FGF14: variants seen among roughly 807,000 people sequenced by gnomAD.
The protein encoded by FGF14 is fibroblast growth factor homologous factor 4.
A neutral mutation model predicts 25.5 loss-of-function variants in FGF14; 5 were observed. The observed-to-expected ratio is 0.20, with a 90% CI of 0.10 to 0.41. The LOEUF (loss-of-function observed/expected upper bound fraction) is 0.41. FGF14 is among the 10% of genes least tolerant of loss of function. FGF14 has a pLI of 1.00. For synonymous variants in FGF14, 138 were observed against 118.3 expected, an observed-to-expected ratio of 1.17 and a Z score of -1.08; for missense variants, 222 against 320.1, an observed-to-expected ratio of 0.69 and a Z score of 2.34.
At chr13:102,199,759 T>C (rs2049529387) in intron 1 of FGF14, among the ~76,000 whole-genome samples, 1 of 152,054 alleles carries the variant, frequency 6.6e-6, no homozygotes, top group African/African-American at 2.4e-5. Context: ...TTCAGAAAAA[T>C]CCAAACTCAC....
At chr13:102,086,478 C>T (rs976146166) in intron 1 of FGF14, among the ~76,000 whole-genome samples, 1 of 151,836 alleles carries the variant, frequency 6.6e-6, no homozygotes, top group Non-Finnish European at 1.5e-5. Context: ...TGCAGTGAGC[C>T]GAGATCGAGC....
At chr13:102,300,711 C>T (rs1448518565) in intron 1 of FGF14, among the ~76,000 whole-genome samples, 1 of 152,040 alleles carries the variant, frequency 6.6e-6, no homozygotes, top group African/African-American at 2.4e-5. Context: ...CCATATCTGG[C>T]ACAAGAAGAT....
upstream of FGF14, among the ~76,000 whole-genome samples, chr13:101,919,620 C>A (rs1248561477): frequency 6.6e-6 from 1 of 151,902 alleles, no homozygotes; most frequent in Admixed American, 6.6e-5. Context: ...GCCTGACATT[C>A]AGCACCGCGG....
At chr13:102,183,637 C>T (rs1485487090) in intron 1 of FGF14, among the ~76,000 whole-genome samples, 1 of 152,134 alleles carries the variant, frequency 6.6e-6, no homozygotes, top group Non-Finnish European at 1.5e-5. Flanking sequence ...TGCACTTAAC[C>T]TTTGCTCCCA....
intron 1 of FGF14, among the ~76,000 whole-genome samples, chr13:102,137,346 ACT>A (rs1431433268): frequency 4.6e-5 from 7 of 152,226 alleles, no homozygotes; most frequent in Non-Finnish European, 7.3e-5. Context: ...ATAGAGATAT[ACT>A]CCGGACAAGC....
At chr13:101,835,561 C>T (rs553534838) in intron 3 of FGF14, among the ~76,000 whole-genome samples, 63 of 151,926 alleles carry the variant, frequency 4.1e-4, no homozygotes, top group African/African-American at 1.3e-3. Flanking sequence ...TAGCTGTAGC[C>T]GAATATCAAG....
Position 101,868,731 on chromosome 13 carries a change from G to A in FGF14, c.402C>T (p.Tyr134=). Residue 134 remains tyrosine (Y), a synonymous_variant, in exon 3 of 5, where the codon TAC becomes TAT. Coordinates refer to ENST00000376143, the MANE Select transcript of FGF14 (RefSeq NM_004115.4). ...YIAMNGEGYL[Y]PSELFTPECK... ...TCTTTGGCGTCTTACTTACTGATGG[G>A]TAGAGGTAACCTTCTCCATTCATGG... is the stretch of plus-strand genomic sequence containing the variant. 4 of 1,599,824 alleles carry A rather than the reference G, an allele frequency of 2.5e-6. No homozygotes were observed. Among genetic ancestry groups the A allele is most frequent in the Non-Finnish European group, 3.4e-6 (4 of 1,167,030 alleles).
intron 1 of FGF14, among the ~76,000 whole-genome samples, chr13:102,007,986 A>G (rs2039894501): frequency 6.6e-6 from 1 of 152,218 alleles, no homozygotes; most frequent in Non-Finnish European, 1.5e-5. Context: ...TTTAGATTGC[A>G]CTGAGAATCA....
At chr13:101,919,078 C>A (rs1469738150), upstream of FGF14, among the ~76,000 whole-genome samples, 1 of 152,034 alleles carries the variant, frequency 6.6e-6, no homozygotes, top group Non-Finnish European at 1.5e-5. Context: ...TGTTGTGTTG[C>A]TGTAGTCCTG....
chr13:101,898,232 A>G (rs531396219), intron 1 of FGF14, among the ~76,000 whole-genome samples: 2 of 152,050 alleles, frequency 1.3e-5, no homozygotes, highest in Non-Finnish European at 2.9e-5. Context: ...AAACAGTAAG[A>G]ATAGTGCAAA....
At chr13:101,726,163 GTA>G (rs1437175287) in intron 4 of FGF14, among the ~76,000 whole-genome samples, 1 of 151,864 alleles carries the variant, frequency 6.6e-6, no homozygotes, top group East Asian at 1.9e-4. Flanking sequence ...CCACAAGTAG[GTA>G]ATTACTTTCA....
chr13:102,276,045 T>C (rs542924903), intron 1 of FGF14, among the ~76,000 whole-genome samples: 1 of 151,940 alleles, frequency 6.6e-6, no homozygotes, highest in African/African-American at 2.4e-5. Flanking sequence ...TTAGGAAGCA[T>C]TGTAGAATAT....
At chr13:101,824,927 G>C (rs1280565631) in intron 3 of FGF14, among the ~76,000 whole-genome samples, 2 of 152,240 alleles carry the variant, frequency 1.3e-5, no homozygotes, top group Non-Finnish European at 2.9e-5. Context: ...GAGGGTAGCT[G>C]CCCCAGCTCC....
intron 1 of FGF14, among the ~76,000 whole-genome samples, chr13:101,947,559 A>T (rs149218907): frequency 6.6e-6 from 1 of 152,358 alleles, no homozygotes; most frequent in African/African-American, 2.4e-5. Context: ...GCTAGAGGCC[A>T]TTATTCTAAG....
chr13:101,800,790 ACTTTCACAACCATAATCAAAAG>A (rs982617414), intron 3 of FGF14, among the ~76,000 whole-genome samples: 2 of 152,144 alleles, frequency 1.3e-5, no homozygotes, highest in Admixed American at 6.6e-5. Context: ...TAGCAGGGAA[ACTTTCACAACCATAATCAAAAG>A]TCATAGAAAA....
Position 101,988,385 on chromosome 13 carries a change from G to A in FGF14, c.209-113089C>T, listed in dbSNP as rs184782110. On this transcript the variant is annotated intron_variant, in intron 1 of 4. Transcript: ENST00000376131. ...AGCGCTAAATGAAGCACTATGTTCC[G>A]ATCTATTCAACCCAACACAAATAAA... Among the ~76,000 whole-genome samples, 209 of 151,966 alleles carry A rather than the reference G, an allele frequency of 1.4e-3. 1 individual carries two copies. Among genetic ancestry groups the A allele is most frequent in the Admixed American group, 0.012 (178 of 15,236 alleles).
rs565910873 is a variant in FGF14 at position 102,198,600 on chromosome 13, T to C, written c.208+202871A>G. Among the ~76,000 whole-genome samples the C allele has an allele frequency of 2.0e-5, 3 of 152,260 alleles. No individual in the cohort carries two copies. The East Asian group carries it at 5.8e-4, about 29-fold the overall frequency. ...TCCCTCTGAGTAAGGAGACAGGGCG[T>C]GGTAATGTCAGTCCTCCTTCTAAAG... is the stretch of plus-strand genomic sequence containing the variant. On this transcript the variant is annotated intron_variant, in intron 1 of 4. Coordinates refer to the FGF14 transcript ENST00000376131.
chr13:101,983,151 A>C (rs1470444598), intron 1 of FGF14, among the ~76,000 whole-genome samples: 3 of 148,794 alleles, frequency 2.0e-5, no homozygotes, highest in African/African-American at 7.9e-5. Flanking sequence ...ATGTTAGGCT[A>C]TAAATAAACA....
intron 1 of FGF14, among the ~76,000 whole-genome samples, chr13:102,235,692 C>T (rs1323390062): frequency 6.6e-6 from 1 of 152,118 alleles, no homozygotes; most frequent in Non-Finnish European, 1.5e-5. Flanking sequence ...TGTGTCTCTT[C>T]AAGGCAACTG....
Sources: gnomAD v4.1 joint callset for allele counts (sites outside exome capture counted in the v4.1 genomes callset) on GRCh38, gnomAD v4.1.1 for gene constraint, MANE v1.5 for transcripts, NCBI Gene and HGNC (gene_info 2026-07-23, HGNC 2026-07-21) for gene names.